The following SGK3 variants were observed in gnomAD, a reference collection of about 807,000 sequenced individuals.
SGK3 encodes serum/glucocorticoid regulated kinase family member 3.
A neutral mutation model predicts 68.5 loss-of-function variants in SGK3; 47 were observed. The ratio of observed to expected loss-of-function variants is 0.69; its 90% CI spans 0.54 to 0.87. SGK3 has a LOEUF of 0.87. Among genes scored for constraint, SGK3 ranks in the 40% least tolerant of loss-of-function variants. The pLI, the probability that SGK3 is intolerant of heterozygous loss-of-function variation, is 0.00. For synonymous variants in SGK3, 181 were observed against 189.1 expected (o/e 0.96, Z 0.35); for missense variants, 479 against 575.5 (o/e 0.83, Z 1.72).
chr8:66,752,448 G>A (rs1051184335), intron 1 of SGK3, among the ~76,000 whole-genome samples: 8 of 152,090 alleles, frequency 5.3e-5, no homozygotes, highest in African/African-American at 1.9e-4. Flanking sequence ...TATTATGTAG[G>A]ATGATAATTT....
At chr8:66,723,213 A>G (rs1411334368) in intron 1 of SGK3, among the ~76,000 whole-genome samples, 2 of 131,574 alleles carry the variant, frequency 1.5e-5, no homozygotes, top group Non-Finnish European at 3.1e-5. Flanking sequence ...TGGGAGGCTG[A>G]GGCGGGTGGA....
chr8:66,818,328 C>T (rs1808678713), intron 5 of SGK3, among the ~76,000 whole-genome samples: 1 of 152,112 alleles, frequency 6.6e-6, no homozygotes, highest in South Asian at 2.1e-4. Flanking sequence ...CAAAGAAGGA[C>T]ACAGAAATGG....
At chr8:66,754,410 G>A (rs900058567) in intron 1 of SGK3, among the ~76,000 whole-genome samples, 1 of 152,136 alleles carries the variant, frequency 6.6e-6, no homozygotes, top group Non-Finnish European at 1.5e-5. Flanking sequence ...GTACTGCAGT[G>A]GGATTAAAAG....
At chr8:66,732,673 CCT>C (rs1174591071) in intron 1 of SGK3, among the ~76,000 whole-genome samples, 2 of 151,922 alleles carry the variant, frequency 1.3e-5, no homozygotes, top group African/African-American at 2.4e-5. Flanking sequence ...GGCAAAACCT[CCT>C]CTCTACTAAA....
chr8:66,743,553 G>C (rs1217601740), intron 1 of SGK3, among the ~76,000 whole-genome samples: 1 of 152,222 alleles, frequency 6.6e-6, no homozygotes, highest in Non-Finnish European at 1.5e-5. Flanking sequence ...GTTTGAGATG[G>C]AGTTTTGCTC....
intron 3 of SGK3, among the ~76,000 whole-genome samples, chr8:66,798,880 G>T (rs899483333): frequency 6.6e-6 from 1 of 152,156 alleles, no homozygotes; most frequent in Non-Finnish European, 1.5e-5. Context: ...TAATGTCATA[G>T]AAAATTATAA....
At chr8:66,776,057 T>C (rs1020192141) in intron 1 of SGK3, among the ~76,000 whole-genome samples, 4 of 152,238 alleles carry the variant, frequency 2.6e-5, no homozygotes, top group African/African-American at 9.6e-5. Context: ...CAGATGGGCA[T>C]TAATCTCAAG....
intron 2 of SGK3, among the ~76,000 whole-genome samples, chr8:66,796,169 G>A (rs138601934): frequency 0.03 from 4,521 of 151,454 alleles, 76 homozygotes; most frequent in Admixed American, 0.044. Flanking sequence ...ACAGAATCTC[G>A]CTCTGTCGCC....
chr8:66,728,344 A>G (rs1805039728), intron 1 of SGK3, among the ~76,000 whole-genome samples: 1 of 148,562 alleles, frequency 6.7e-6, no homozygotes, highest in Non-Finnish European at 1.5e-5. Context: ...TTTTTTTTCC[A>G]AGATGGAGTT....
chr8:66,858,226 G>A (rs764601876), intron 16 of SGK3, among the ~76,000 whole-genome samples: 12 of 152,158 alleles, frequency 7.9e-5, no homozygotes, highest in Non-Finnish European at 1.3e-4. Flanking sequence ...AGCACTTTGG[G>A]AGGCTGAGGC....
intron 1 of SGK3, among the ~76,000 whole-genome samples, chr8:66,786,798 G>A (rs907830355): frequency 2.0e-5 from 3 of 152,102 alleles, no homozygotes; most frequent in Admixed American, 2.0e-4. Context: ...ACAGTCTGCG[G>A]CTGTGTCCCT....
At chr8:66,762,528 C>T (rs1040451207) in intron 1 of SGK3, among the ~76,000 whole-genome samples, 1 of 151,908 alleles carries the variant, frequency 6.6e-6, no homozygotes, top group Non-Finnish European at 1.5e-5. Context: ...AAAACAAAAC[C>T]AAAAACAAAA....
At chr8:66,810,190 A>G (rs183080067) in intron 4 of SGK3, among the ~76,000 whole-genome samples, 2 of 152,232 alleles carry the variant, frequency 1.3e-5, no homozygotes, top group East Asian at 1.9e-4. Flanking sequence ...AGATACTGCC[A>G]TTTAGAAATA....
chr8:66,820,586 G>T (rs56856536), intron 5 of SGK3, among the ~76,000 whole-genome samples: 3,117 of 152,226 alleles, frequency 0.02, 111 homozygotes, highest in African/African-American at 0.07. Flanking sequence ...GGAATTGCAG[G>T]GTCATAAGGT....
chr8:66,827,856 G>T (rs1449443128), intron 6 of SGK3, among the ~76,000 whole-genome samples: 1 of 152,138 alleles, frequency 6.6e-6, no homozygotes, highest in Admixed American at 6.6e-5. Context: ...GAGCACGGTG[G>T]CTCACAACTG....
At chr8:66,843,729 C>A (rs915857502) in intron 14 of SGK3, among the ~76,000 whole-genome samples, 182 bp downstream of exon 14, 1 of 152,188 alleles carries the variant, frequency 6.6e-6, no homozygotes, top group African/African-American at 2.4e-5. Context: ...CATGGTGGCT[C>A]ACGCCAGTAA....
At chr8:66,784,858 CT>C (rs924757301) in intron 1 of SGK3, among the ~76,000 whole-genome samples, 6 of 152,142 alleles carry the variant, frequency 3.9e-5, no homozygotes, top group African/African-American at 1.4e-4. Context: ...TCTATGGATG[CT>C]TTTTTAAAAA....
intron 1 of SGK3, among the ~76,000 whole-genome samples, chr8:66,747,916 G>A (rs1805698184): frequency 6.6e-6 from 1 of 152,202 alleles, no homozygotes; most frequent in African/African-American, 2.4e-5. Flanking sequence ...ACAGCAGACA[G>A]AACACAAGCG....
chr8:66,721,153 A>G (rs1437233688), intron 1 of SGK3, among the ~76,000 whole-genome samples: 2 of 152,174 alleles, frequency 1.3e-5, no homozygotes, highest in Admixed American at 6.6e-5. Context: ...AATTTCATGC[A>G]CACAGCTCCC....
Sources: gnomAD v4.1 joint callset for allele counts (sites outside exome capture counted in the v4.1 genomes callset) on GRCh38, gnomAD v4.1.1 for gene constraint, MANE v1.5 for transcripts, NCBI Gene and HGNC (gene_info 2026-07-23, HGNC 2026-07-21) for gene names.